Variants in KLF10 observed in about 807,000 individuals in gnomAD.
The protein encoded by KLF10 is KLF transcription factor 10, also known as Krueppel-like factor 10.
KLF10 carries 17 observed loss-of-function variants against 31.6 expected under a neutral mutation model. The observed-to-expected ratio is 0.54, with a 90% CI of 0.37 to 0.81. KLF10 has a LOEUF of 0.81. Among genes scored for constraint, KLF10 ranks in the 30% least tolerant of loss-of-function variants. The probability of loss-of-function intolerance (pLI) is 0.00; values close to 1 mark genes in which losing one functional copy is unlikely to be tolerated. For synonymous variants in KLF10, 239 were observed against 215.1 expected (o/e 1.11, Z -0.97); for missense variants, 525 against 598.1 (o/e 0.88, Z 1.27).
rs747641957 is a variant in KLF10 at position 102,651,337 on chromosome 8, G to A, written c.995C>T (p.Pro332Leu). 28 of 1,596,724 alleles carry A rather than the reference G, an allele frequency of 1.8e-5. No homozygotes were observed. The highest frequency in any genetic ancestry group is 3.4e-5 in the South Asian group (3 of 88,104). The change falls in exon 3 of 4, where the codon CCG becomes CTG. Residue 332 changes from proline (P) to leucine (L), a missense_variant. Coordinates refer to ENST00000285407, the MANE Select transcript of KLF10 (RefSeq NM_005655.4). The stretch of plus-strand genomic sequence containing the variant: ...TCTGGTGCCATTCGGGCTCACCACC[G>A]GAGGCTTTGAACTCTGCACAACGGG... Reference protein sequence around the residue: ...PQPVVQSSKPPVVSPNGTRLS... With the variant: ...PQPVVQSSKPLVVSPNGTRLS...
At chr8:102,655,497 T>G (rs1587836926) in intron 1 of KLF10, 69 bp downstream of exon 1, 1 of 1,584,348 alleles carries the variant, frequency 6.3e-7, no homozygotes, top group Non-Finnish European at 8.7e-7. Context: ...GGGCTCGGGG[T>G]TCGCGCCCCC....
Position 102,651,766 on chromosome 8 carries a change from G to C in KLF10, c.566C>G (p.Thr189Ser), listed in dbSNP as rs28566564. ...NYQNNSFRRR[T>S]HLNVEAARKN... ...TCTTGCAGCCTCAACATTTAGGTGG[G>C]TTCTTCTTCTAAAAGAATTGTTCTG... The change falls in exon 3 of 4, where the codon ACC becomes AGC. Residue 189 changes from threonine to serine, a missense_variant. Thr to Ser is a moderately conservative substitution (Grantham distance 58). Around this residue, in one of 3 missense-constraint regions of KLF10, gnomAD observed 434 missense variants for 450.7 expected, o/e 0.96. Transcript: ENST00000285407. The C allele has an allele frequency of 1.5e-3, 2,368 of 1,614,222 alleles. 40 individuals are homozygous for C. The African/African-American group carries it at 0.028, about 19-fold the overall frequency.
rs201026583 is a variant in KLF10, at chr8:102,650,111, G to A, written c.*21C>T. ...TCCCGCTGAGACCAAAGTTAGTTCTGACTCTTCACTTTCCGGTCTGTCACT... is the reference window on the plus strand; with the variant it reads ...TCCCGCTGAGACCAAAGTTAGTTCTAACTCTTCACTTTCCGGTCTGTCACT... On this transcript the variant is annotated 3_prime_UTR_variant, in exon 4 of 4. Coordinates refer to ENST00000285407, the MANE Select transcript of KLF10 (RefSeq NM_005655.4). 6.8e-6 allele frequency: 11 copies of A among 1,612,774 alleles called. No individual in the cohort carries two copies. Among genetic ancestry groups the A allele is most frequent in the Non-Finnish European group, 9.3e-6 (11 of 1,179,166 alleles).
chr8:102,651,564 C>T lies in KLF10; in HGVS notation c.768G>A (p.Leu256=). The stretch of plus-strand genomic sequence containing the variant: ...CTGCAGATACTGCAGGTGGAGAGAC[C>T]AACACTGACTTCTGTTGTGGGGACA... ...APVSPQQKSV[L]VSPPAVSAGG... is the part of the protein sequence containing the mutation. The change falls in exon 3 of 4, where the codon TTG becomes TTA. Residue 256 remains leucine (L), a synonymous_variant. Coordinates refer to ENST00000285407, the MANE Select transcript of KLF10 (RefSeq NM_005655.4). The T allele has an allele frequency of 1.2e-6, 2 of 1,614,064 alleles. No individual in the cohort carries two copies. Among genetic ancestry groups the T allele is most frequent in the Non-Finnish European group, 8.5e-7 (1 of 1,180,002 alleles).
In KLF10 at chr8:102,652,234, G is replaced by A; in HGVS notation, c.200C>T (p.Pro67Leu). The A allele has an allele frequency of 1.2e-6, 2 of 1,613,044 alleles. No homozygotes were observed. Among genetic ancestry groups the A allele is most frequent in the Non-Finnish European group, 1.7e-6 (2 of 1,179,332 alleles). Residue 67 changes from proline to leucine, a missense_variant, in exon 2 of 4, where the codon CCA (proline) becomes CTA (leucine). Pro to Leu is a moderately conservative substitution (Grantham distance 98). This residue lies in a region of KLF10 where 434 missense variants were observed against 450.7 expected (regional missense o/e 0.96). Coordinates refer to ENST00000285407, the MANE Select transcript of KLF10 (RefSeq NM_005655.4). ...CTCTTCCTCTGACAAATCAGATACT[G>A]GTGTAACAGGTCTGTTTTCAACGTA... ...KKYVENRPVT[P>L]VSDLSEEENL...
rs10639139 is a variant in KLF10 at position 102,652,470 on chromosome 8, A to ATT, written c.37-75_37-74dup. The ATT allele has an allele frequency of 0.22, 103,895 of 480,180 alleles. 8,215 individuals are homozygous for ATT. Among genetic ancestry groups the ATT allele is most frequent in the African/African-American group, 0.32 (15,545 of 47,942 alleles). The allele number at this position is 480,180 out of a possible 1,614,324, so 29.7% of individuals were successfully genotyped here. ...AAATGACACACAGAAAAATGAGCAA[A>ATT]TTTTTTTTTTTTTTTTTTTTACAAC... On this transcript the variant is annotated intron_variant, in intron 1 of 3. Coordinates refer to ENST00000285407, the MANE Select transcript of KLF10 (RefSeq NM_005655.4).
At position 102,655,621 on chromosome 8, in the gene KLF10, G is replaced by A. The variant is rs755348284; in HGVS notation, c.-20C>T. On this transcript the variant is annotated 5_prime_UTR_variant, in exon 1 of 4. Coordinates refer to ENST00000285407, the MANE Select transcript of KLF10 (RefSeq NM_005655.4). ...GAGCATGGTTGGCTGCTTGGCCGCC[G>A]GCGGCAAGCTGACTGGCTGCTAGGC... 1 of 1,613,690 alleles carries A rather than the reference G, an allele frequency of 6.2e-7. No homozygotes were observed. Among genetic ancestry groups the A allele is most frequent in the Non-Finnish European group, 8.5e-7 (1 of 1,179,816 alleles).
chr8:102,653,839 G>A (rs1827281058), intron 1 of KLF10: 2 of 999,988 alleles, frequency 2.0e-6, no homozygotes, highest in Admixed American at 5.0e-5. Flanking sequence ...AGGGAGTGGG[G>A]CGCGAGGCAG....
chr8:102,654,438 G>A (rs1827308334), intron 1 of KLF10: 1 of 151,106 alleles, frequency 6.6e-6, no homozygotes, highest in African/African-American at 2.4e-5. Context: ...ACTCGGGGAC[G>A]AGAAGCTCCC....
Position 102,655,583 on chromosome 8 carries a change from A to C in KLF10, c.19T>G (p.Ser7Ala), listed in dbSNP as rs774329904. MLNFGASLQQTAEERME... is the reference protein window; with the variant it reads MLNFGAALQQTAEERME... ...TGACTTACCGCAGTCTGCTGGAGAG[A>C]GGCACCGAAGTTGAGCATGGTTGGC... The change falls in exon 1 of 4, where the codon TCT (serine) becomes GCT (alanine). Residue 7 changes from serine (S) to alanine (A), a missense_variant. Physicochemically the swap from Ser to Ala is moderately conservative, Grantham distance 99 (BLOSUM62 1). This residue lies in a region of KLF10 where 434 missense variants were observed against 450.7 expected (regional missense o/e 0.96). Transcript: ENST00000285407. The C allele has an allele frequency of 6.2e-7, 1 of 1,614,110 alleles. No homozygotes were observed.
At chr8:102,651,005 G>T in intron 3 of KLF10, 144 bp downstream of exon 3, 2 of 679,420 alleles carry the variant, frequency 2.9e-6, no homozygotes, top group Non-Finnish European at 4.6e-6. Context: ...CTCCAATACA[G>T]CCTTTTGGAG....
At chr8:102,653,777 G>C in intron 1 of KLF10, 1 of 1,081,902 alleles carries the variant, frequency 9.2e-7, no homozygotes, top group Non-Finnish European at 1.1e-6. Context: ...AGGCGGCAGG[G>C]AAAGAGAGCG....
At position 102,650,278 on chromosome 8, in the gene KLF10, T is replaced by G. The variant is rs1049202779; in HGVS notation, c.1297A>C (p.Met433Leu). The G allele has an allele frequency of 1.2e-6, 2 of 1,614,078 alleles. No individual in the cohort carries two copies. The highest frequency in any genetic ancestry group is 1.7e-6 in the Non-Finnish European group (2 of 1,180,044). The part of the protein sequence containing the change: ...HTGEKKFACP[M>L]CDRRFMRSDH... ...CTCCTCATGAACCGCCGGTCACACATGGGGCACGCAAATTTCTTCTCACCC... is the reference window on the plus strand; with the variant it reads ...CTCCTCATGAACCGCCGGTCACACAGGGGGCACGCAAATTTCTTCTCACCC... The change falls in exon 4 of 4, where the codon ATG becomes CTG. Residue 433 changes from methionine (M) to leucine (L), a missense_variant. Met to Leu is a conservative substitution (Grantham distance 15). Transcript: ENST00000285407.
chr8:102,653,067 T>G, intron 1 of KLF10, among the ~76,000 whole-genome samples: 1 of 152,186 alleles, frequency 6.6e-6, no homozygotes, highest in East Asian at 1.9e-4. Flanking sequence ...TAAAATTGCA[T>G]TATTTAAGAT....
chr8:102,654,727 C>G (rs1220020925), intron 1 of KLF10, among the ~76,000 whole-genome samples: 1 of 151,760 alleles, frequency 6.6e-6, no homozygotes, highest in Non-Finnish European at 1.5e-5. Flanking sequence ...CCACAGGCCC[C>G]GGCTCCAGAC....
chr8:102,654,296 G>A (rs1005323576), intron 1 of KLF10: 24 of 146,926 alleles, frequency 1.6e-4, no homozygotes, highest in African/African-American at 5.4e-4. Flanking sequence ...CCCGCGGGGA[G>A]GGGCGGGGCT....
chr8:102,650,121 T>C lies in KLF10; in HGVS notation c.*11A>G. 3.7e-6 allele frequency: 6 copies of C among 1,613,734 alleles called. No homozygotes were observed. The highest frequency in any genetic ancestry group is 5.1e-6 in the Non-Finnish European group (6 of 1,179,676). On this transcript the variant is annotated 3_prime_UTR_variant, in exon 4 of 4. Transcript: ENST00000285407. The stretch of plus-strand genomic sequence containing the variant: ...ACCAAAGTTAGTTCTGACTCTTCAC[T>C]TTCCGGTCTGTCACTGTGTGGGAGC...
rs911405564 is a variant in KLF10 at position 102,651,768 on chromosome 8, T to G, written c.564A>C (p.Arg188Ser). The G allele has an allele frequency of 1.9e-6, 3 of 1,614,202 alleles. No individual in the cohort carries two copies. The highest frequency in any genetic ancestry group is 1.3e-5 in the African/African-American group (1 of 75,068). ...TTGCAGCCTCAACATTTAGGTGGGT[T>G]CTTCTTCTAAAAGAATTGTTCTGAT... ...LNYQNNSFRR[R>S]THLNVEAARK... Residue 188 changes from arginine (R) to serine (S), a missense_variant, in exon 3 of 4, where the codon AGA (arginine) becomes AGC (serine). Physicochemically the swap from Arg to Ser is moderately radical, Grantham distance 110. Transcript: ENST00000285407.
chr8:102,651,452 G>C lies in KLF10; in HGVS notation c.880C>G (p.Pro294Ala). ...CAAACGGCTGGTGGCTGGCTGGGAG[G>C]AGTGCTGGGAACGACTGTTGTCACA... ...PVVTTVVPST[P>A]PSQPPAVCPP... Residue 294 changes from proline (P) to alanine (A), a missense_variant, in exon 3 of 4, where the codon CCT (proline) becomes GCT (alanine). Transcript: ENST00000285407. 4.3e-6 allele frequency: 7 copies of C among 1,614,010 alleles called. No individual in the cohort carries two copies. The highest frequency in any genetic ancestry group is 5.9e-6 in the Non-Finnish European group (7 of 1,179,936).
Sources: allele counts gnomAD v4.1 joint callset (sites outside exome capture counted in the v4.1 genomes callset), GRCh38; gene constraint gnomAD v4.1.1; regional missense constraint gnomAD v4.1.1; transcripts MANE v1.5; gene names NCBI Gene and HGNC (gene_info 2026-07-23, HGNC 2026-07-21).